The following KDM4B variants were observed in gnomAD, a reference collection of about 807,000 sequenced individuals.
KDM4B encodes the protein lysine-specific demethylase 4B.
Under a neutral mutation model 125.2 loss-of-function variants are expected in KDM4B, and 32 were observed. The ratio of observed to expected loss-of-function variants is 0.26; its 90% CI spans 0.19 to 0.34. KDM4B has a LOEUF of 0.34. Among genes scored for constraint, KDM4B ranks in the 10% least tolerant of loss-of-function variants. KDM4B has a pLI of 1.00. For synonymous variants in KDM4B, 721 were observed against 677.9 expected, an observed-to-expected ratio of 1.06 and a Z score of -0.99; for missense variants, 1,190 against 1,577.7, an observed-to-expected ratio of 0.75 and a Z score of 4.16.
At chr19:5,095,851 G>A (rs1240934967) in intron 9 of KDM4B, among the ~76,000 whole-genome samples, 2 of 152,232 alleles carry the variant, frequency 1.3e-5, no homozygotes, top group African/African-American at 4.8e-5. Flanking sequence ...TTATGTGCGA[G>A]CATGTCGTTT....
intron 9 of KDM4B, among the ~76,000 whole-genome samples, chr19:5,102,114 T>C (rs2620792): frequency 0.61 from 92,393 of 152,062 alleles, 28,448 homozygotes; most frequent in East Asian, 0.71. Context: ...GTGGGGTGCG[T>C]GCCCGCCACC....
Position 5,114,208 on chromosome 19 carries a change from A to C in KDM4B, c.1115+3390A>C, listed in dbSNP as rs769028347. 12 of 1,289,552 alleles carry C rather than the reference A, an allele frequency of 9.3e-6. No homozygotes were observed. The South Asian group carries it at 1.4e-4, about 15-fold the overall frequency. 79.9% of individuals were successfully genotyped at this position (1,289,552 alleles called of 1,614,324 possible). A position where few individuals can be genotyped will look rare whatever the true frequency, so the allele number is the denominator to read the frequency against. ...TTTCCACGCGAGAAGCGCCATGTGC[A>C]CGTGCTCCAGCAGGTACGCGCTCCC... On this transcript the variant is annotated intron_variant, in intron 10 of 22. Coordinates refer to ENST00000159111, the MANE Select transcript of KDM4B (RefSeq NM_015015.3). This position sits in a 1 kb window ranked among gnomAD's most constrained non-coding sequence, Gnocchi z 5.8.
chr19:5,059,075 A>G (rs908217454), intron 6 of KDM4B, among the ~76,000 whole-genome samples: 1 of 152,128 alleles, frequency 6.6e-6, no homozygotes, highest in Non-Finnish European at 1.5e-5. Flanking sequence ...GCCCTGACCC[A>G]GAGTCGCCCG....
At chr19:5,047,738 A>T in intron 6 of KDM4B, 69 bp downstream of exon 6, 1 of 1,506,752 alleles carries the variant, frequency 6.6e-7, no homozygotes, top group Non-Finnish European at 9.1e-7. Flanking sequence ...AATCCCGGGT[A>T]CACGGCTGGG....
chr19:5,137,873 C>A, intron 17 of KDM4B, 89 bp from the exon 18 acceptor site: 1 of 1,235,112 alleles, frequency 8.1e-7, no homozygotes, highest in Non-Finnish European at 1.1e-6. Flanking sequence ...AGGCCCTGAC[C>A]CAGCCGACAG....
At chr19:5,052,189 T>C (rs930344579) in intron 6 of KDM4B, among the ~76,000 whole-genome samples, 3 of 152,184 alleles carry the variant, frequency 2.0e-5, no homozygotes, top group African/African-American at 7.2e-5. Context: ...TCTGGCGTTT[T>C]CCCTCATGGG....
chr19:5,136,504 T>G (rs1170687334), intron 15 of KDM4B, among the ~76,000 whole-genome samples: 1 of 152,158 alleles, frequency 6.6e-6, no homozygotes, highest in Non-Finnish European at 1.5e-5. Context: ...TGGGAGGCTC[T>G]TCACTCTGCT....
chr19:5,020,340 T>TAGGTGTTGGTGTGC (rs1491368274), intron 2 of KDM4B, among the ~76,000 whole-genome samples: 7 of 147,166 alleles, frequency 4.8e-5, no homozygotes, highest in African/African-American at 1.8e-4. Flanking sequence ...TGTTGGTGTG[T>TAGGTGTTGGTGTGC]AGGTGTTGGT....
chr19:5,121,240 A>C (rs1018985935), intron 11 of KDM4B, among the ~76,000 whole-genome samples: 7 of 152,224 alleles, frequency 4.6e-5, no homozygotes, highest in African/African-American at 1.7e-4. Flanking sequence ...TCCCTGGGGG[A>C]AAGAGCAGAG....
chr19:5,123,431 C>T (rs1365814035), intron 11 of KDM4B, among the ~76,000 whole-genome samples: 2 of 152,192 alleles, frequency 1.3e-5, no homozygotes, highest in Non-Finnish European at 2.9e-5. Flanking sequence ...GTCCAGATTC[C>T]CCCCTTCCTA....
At chr19:5,008,062 G>A (rs2035616227) in intron 1 of KDM4B, among the ~76,000 whole-genome samples, 1 of 152,156 alleles carries the variant, frequency 6.6e-6, no homozygotes, top group African/African-American at 2.4e-5. Context: ...GATCGTTTGA[G>A]GCCAGGAGTT....
chr19:5,060,967 T>C (rs577165977), intron 6 of KDM4B, among the ~76,000 whole-genome samples: 2 of 152,368 alleles, frequency 1.3e-5, no homozygotes, highest in African/African-American at 4.8e-5. Flanking sequence ...TGGCCTTTAA[T>C]TGCAGGCGTG....
At chr19:5,074,958 A>C (rs1388428907) in intron 7 of KDM4B, 1 of 152,220 alleles carries the variant, frequency 6.6e-6, no homozygotes. Flanking sequence ...CAGGCGTGAC[A>C]CCCCACACCT....
chr19:5,123,840 G>C (rs1172755096), intron 11 of KDM4B, among the ~76,000 whole-genome samples: 1 of 152,180 alleles, frequency 6.6e-6, no homozygotes, highest in Admixed American at 6.5e-5. Context: ...TTCTGGAGAC[G>C]GTGAGCCCCA....
chr19:5,110,883 C>G, intron 10 of KDM4B, 65 bp downstream of exon 10: 13 of 1,370,856 alleles, frequency 9.5e-6, no homozygotes, highest in African/African-American at 1.5e-5. Flanking sequence ...GCTGGGTGGC[C>G]CAGGCCCCTT....
intron 6 of KDM4B, among the ~76,000 whole-genome samples, chr19:5,056,851 A>C (rs1464965150): frequency 1.0e-5 from 1 of 96,406 alleles, no homozygotes. Flanking sequence ...TGGGGTGGGG[A>C]CCCTGGGGCG....
At chr19:5,147,906 C>T (rs894620555) in intron 21 of KDM4B, among the ~76,000 whole-genome samples, 1 of 152,190 alleles carries the variant, frequency 6.6e-6, no homozygotes, top group African/African-American at 2.4e-5. Context: ...CATGCAAACG[C>T]CCGCTGTGTG....
At chr19:5,102,522 G>A (rs1054411539) in intron 9 of KDM4B, among the ~76,000 whole-genome samples, 3 of 152,176 alleles carry the variant, frequency 2.0e-5, no homozygotes, top group African/African-American at 7.2e-5. Flanking sequence ...GGGAAGTCTG[G>A]GAGAGGGGCT....
intron 9 of KDM4B, among the ~76,000 whole-genome samples, chr19:5,088,987 A>C (rs985971279): frequency 2.0e-5 from 3 of 152,164 alleles, no homozygotes; most frequent in African/African-American, 7.2e-5. Context: ...CCCCATTTCT[A>C]TGAAATGTCC....
Sources: gnomAD v4.1 joint callset for allele counts (sites outside exome capture counted in the v4.1 genomes callset) on GRCh38, gnomAD v4.1.1 for gene constraint, Gnocchi (gnomAD v3.1) non-coding constraint, MANE v1.5 for transcripts, NCBI Gene and HGNC (gene_info 2026-07-23, HGNC 2026-07-21) for gene names.